Variants in LRRC4C observed in about 807,000 individuals in gnomAD.
LRRC4C encodes the protein leucine rich repeat containing 4C.
In LRRC4C, 5 loss-of-function variants were observed where a neutral mutation model predicts 33.6. That is an observed-to-expected ratio of 0.15 (90% CI 0.08 to 0.31). The LOEUF (loss-of-function observed/expected upper bound fraction) is 0.31. Ranked by LOEUF, LRRC4C falls within the 10% of genes least tolerant of loss-of-function variation. The pLI, the probability that LRRC4C is intolerant of heterozygous loss-of-function variation, is 1.00. For synonymous variants in LRRC4C, 329 were observed against 302.0 expected (o/e 1.09, Z -0.93); for missense variants, 560 against 796.7 (o/e 0.70, Z 3.58).
rs530193656 is a variant in LRRC4C at position 41,349,497 on chromosome 11, A to ACAACAACAAAAAC, written c.-496+109933_-496+109934insGTTTTTGTTGTTG. 3.4e-3 allele frequency among the ~76,000 whole-genome samples: 512 copies of ACAACAACAAAAAC among 152,064 alleles called. 2 individuals are homozygous for ACAACAACAAAAAC. The highest frequency in any genetic ancestry group is 0.012 in the African/African-American group (486 of 41,502). The stretch of plus-strand genomic sequence containing the variant: ...CAAAACAAAAAAACAACAACAAAAA[A>ACAACAACAAAAAC]CATGGGCCTGGTTTCAGCCCCTCAG... On this transcript the variant is annotated intron_variant, in intron 1 of 6. Coordinates refer to ENST00000528697, the MANE Select transcript of LRRC4C (RefSeq NM_001258419.2).
intron 2 of LRRC4C, among the ~76,000 whole-genome samples, chr11:40,796,850 T>G (rs1257286286): frequency 6.6e-6 from 1 of 152,028 alleles, no homozygotes; most frequent in Admixed American, 6.6e-5. Flanking sequence ...TCTCACCCTG[T>G]TAGTCAGTCT....
At chr11:40,697,402 T>C (rs1395464335) in intron 2 of LRRC4C, among the ~76,000 whole-genome samples, 1 of 152,204 alleles carries the variant, frequency 6.6e-6, no homozygotes, top group Non-Finnish European at 1.5e-5. Flanking sequence ...TAGATGCTAG[T>C]GCCTTTCACA....
At chr11:40,373,185 G>A (rs1432184632) in intron 3 of LRRC4C, among the ~76,000 whole-genome samples, 3 of 152,098 alleles carry the variant, frequency 2.0e-5, no homozygotes, top group African/African-American at 4.8e-5. Flanking sequence ...TAGAGAGAGA[G>A]GACTACATTT....
intron 1 of LRRC4C, among the ~76,000 whole-genome samples, chr11:41,127,264 T>G (rs1288034647): frequency 6.6e-6 from 1 of 151,834 alleles, no homozygotes; most frequent in Admixed American, 6.6e-5. Flanking sequence ...AGTTTTTTTT[T>G]TTTTTAATTT....
chr11:41,150,783 TAAATAAATA>T (rs1275184720), intron 1 of LRRC4C, among the ~76,000 whole-genome samples: 89 of 73,912 alleles, frequency 1.2e-3, no homozygotes, highest in South Asian at 7.2e-3. Context: ...AATAAATAAA[TAAATAAATA>T]AAATAAAATA....
intron 5 of LRRC4C, among the ~76,000 whole-genome samples, chr11:40,186,958 G>T (rs1309698248): frequency 6.6e-6 from 1 of 152,122 alleles, no homozygotes; most frequent in Non-Finnish European, 1.5e-5. Flanking sequence ...CTTGAGAGTG[G>T]CAGGGCTGTG....
chr11:41,128,181 T>C (rs368401576), intron 1 of LRRC4C, among the ~76,000 whole-genome samples: 43 of 152,096 alleles, frequency 2.8e-4, no homozygotes, highest in African/African-American at 9.9e-4. Flanking sequence ...GGCCTTCAAT[T>C]TGAATTTCCC....
chr11:40,567,760 T>A (rs1453420204), intron 3 of LRRC4C, among the ~76,000 whole-genome samples: 5 of 152,208 alleles, frequency 3.3e-5, no homozygotes, highest in Non-Finnish European at 5.9e-5. Flanking sequence ...TGCCCTGAAC[T>A]CTAGCCTGAC....
intron 1 of LRRC4C, among the ~76,000 whole-genome samples, chr11:41,447,796 C>T (rs1955871113): frequency 6.6e-6 from 1 of 152,152 alleles, no homozygotes. Context: ...AACTGCCATT[C>T]ATTCTTCTAT....
intron 1 of LRRC4C, among the ~76,000 whole-genome samples, chr11:41,391,246 T>C (rs1953581510): frequency 6.6e-6 from 1 of 151,794 alleles, no homozygotes. Context: ...AATGGAAATC[T>C]ACACTAAATA....
At chr11:40,975,929 C>T (rs965652557) in intron 1 of LRRC4C, among the ~76,000 whole-genome samples, 2 of 152,102 alleles carry the variant, frequency 1.3e-5, no homozygotes, top group African/African-American at 4.8e-5. Flanking sequence ...TCCACTAGAC[C>T]TTTGTAGAGG....
At chr11:40,745,032 C>G (rs1410957565) in intron 2 of LRRC4C, among the ~76,000 whole-genome samples, 1 of 152,052 alleles carries the variant, frequency 6.6e-6, no homozygotes, top group Non-Finnish European at 1.5e-5. Flanking sequence ...AAATAATAAA[C>G]ATAAAAGCAC....
At chr11:40,579,751 C>T (rs1187040402) in intron 3 of LRRC4C, among the ~76,000 whole-genome samples, 4 of 144,424 alleles carry the variant, frequency 2.8e-5, no homozygotes, top group Admixed American at 2.1e-4. Flanking sequence ...AAAACAACAA[C>T]AACAACAAAA....
At chr11:40,519,095 T>G (rs939069341) in intron 3 of LRRC4C, among the ~76,000 whole-genome samples, 1 of 150,806 alleles carries the variant, frequency 6.6e-6, no homozygotes, top group Non-Finnish European at 1.5e-5. Context: ...TGTTGGGGAG[T>G]GGGGAGCTAG....
chr11:40,936,884 T>G (rs1036848547), intron 1 of LRRC4C, among the ~76,000 whole-genome samples: 4 of 152,160 alleles, frequency 2.6e-5, no homozygotes, highest in Non-Finnish European at 5.9e-5. Flanking sequence ...AAATTAGAAT[T>G]ATATAATCTG....
At chr11:40,669,253 A>C (rs943360632) in intron 2 of LRRC4C, among the ~76,000 whole-genome samples, 1 of 152,242 alleles carries the variant, frequency 6.6e-6, no homozygotes, top group Non-Finnish European at 1.5e-5. Flanking sequence ...TTAGGAGTTC[A>C]TAAGGCAGCC....
At chr11:41,033,051 T>C (rs1029124564) in intron 1 of LRRC4C, among the ~76,000 whole-genome samples, 2 of 152,060 alleles carry the variant, frequency 1.3e-5, no homozygotes, top group South Asian at 2.1e-4. Flanking sequence ...GTCTATTTTT[T>C]ACATACTTAA....
chr11:40,396,627 A>G (rs1393894876), intron 3 of LRRC4C, among the ~76,000 whole-genome samples: 1 of 152,154 alleles, frequency 6.6e-6, no homozygotes, highest in East Asian at 1.9e-4. Flanking sequence ...ACCTATTAGT[A>G]AAATCGGACA....
intron 1 of LRRC4C, among the ~76,000 whole-genome samples, chr11:41,108,074 A>G (rs544200518): frequency 2.0e-5 from 3 of 152,108 alleles, no homozygotes; most frequent in African/African-American, 4.8e-5. Context: ...AATGCTCAAC[A>G]TAACATGTTA....
Sources: allele counts gnomAD v4.1 joint callset (sites outside exome capture counted in the v4.1 genomes callset), GRCh38; gene constraint gnomAD v4.1.1; transcripts MANE v1.5; gene names NCBI Gene and HGNC (gene_info 2026-07-23, HGNC 2026-07-21).